NEGR1: variants seen among roughly 807,000 people sequenced by gnomAD.
NEGR1 encodes IgLON family member 4.
A neutral mutation model predicts 40.9 loss-of-function variants in NEGR1; 10 were observed. The observed-to-expected ratio is 0.24, with a 90% CI of 0.15 to 0.42. The LOEUF (loss-of-function observed/expected upper bound fraction) is 0.42. Ranked by LOEUF, NEGR1 falls within the 10% of genes least tolerant of loss-of-function variation. NEGR1 has a pLI of 1.00. For synonymous variants in NEGR1, 185 were observed against 166.8 expected, an observed-to-expected ratio of 1.11 and a Z score of -0.84; for missense variants, 352 against 438.9, an observed-to-expected ratio of 0.80 and a Z score of 1.77.
chr1:71,912,553 T>C (rs1198287539), intron 2 of NEGR1, among the ~76,000 whole-genome samples: 2 of 152,202 alleles, frequency 1.3e-5, no homozygotes, highest in African/African-American at 4.8e-5. Flanking sequence ...CTACAGCTAC[T>C]CTGATAAACG....
At chr1:71,416,265 G>T (rs764313168) in intron 6 of NEGR1, among the ~76,000 whole-genome samples, 3 of 152,084 alleles carry the variant, frequency 2.0e-5, no homozygotes, top group Non-Finnish European at 4.4e-5. Flanking sequence ...TTTATGTAGG[G>T]TGTCTAAACT....
chr1:71,852,076 C>A (rs1659620947), intron 2 of NEGR1, among the ~76,000 whole-genome samples: 1 of 152,180 alleles, frequency 6.6e-6, no homozygotes, highest in African/African-American at 2.4e-5. Context: ...TAGCTACTGA[C>A]AAACATTTAA....
intron 1 of NEGR1, among the ~76,000 whole-genome samples, chr1:72,243,910 CTTAAAT>C (rs1008646182): frequency 6.6e-6 from 1 of 151,588 alleles, no homozygotes; most frequent in Admixed American, 6.6e-5. Flanking sequence ...TGATCAAGGT[CTTAAAT>C]TTAAACATGA....
chr1:71,888,213 G>T (rs983901799), intron 2 of NEGR1, among the ~76,000 whole-genome samples: 15 of 152,260 alleles, frequency 9.9e-5, no homozygotes, highest in African/African-American at 2.6e-4. Context: ...CGGGGGAGGA[G>T]CCAAGATGGC....
chr1:71,437,366 T>A (rs1350005624), intron 6 of NEGR1, among the ~76,000 whole-genome samples: 3 of 152,118 alleles, frequency 2.0e-5, no homozygotes, highest in South Asian at 2.1e-4. Context: ...ACTCTATGAA[T>A]TTACTAGAAA....
intron 1 of NEGR1, among the ~76,000 whole-genome samples, chr1:72,237,153 C>T (rs945346903): frequency 6.6e-6 from 1 of 151,694 alleles, no homozygotes; most frequent in African/African-American, 2.4e-5. Context: ...TTACTAGAGG[C>T]CTATTAGAGG....
chr1:71,555,581 A>G (rs981844262), intron 6 of NEGR1, among the ~76,000 whole-genome samples: 3 of 151,662 alleles, frequency 2.0e-5, no homozygotes, highest in Non-Finnish European at 4.4e-5. Context: ...AGCACTGCTG[A>G]GTATGCTCAG....
intron 2 of NEGR1, among the ~76,000 whole-genome samples, chr1:71,882,185 A>G (rs1367049351): frequency 3.3e-5 from 5 of 152,118 alleles, no homozygotes; most frequent in Non-Finnish European, 5.9e-5. Flanking sequence ...CTTGCTTTGT[A>G]GTTAGAAGGT....
intron 2 of NEGR1, among the ~76,000 whole-genome samples, chr1:71,795,702 G>T (rs775945883): frequency 1.3e-5 from 2 of 152,124 alleles, no homozygotes; most frequent in Non-Finnish European, 2.9e-5. Context: ...TGAGTTAACT[G>T]GGTCCCTGTG....
chr1:72,013,002 A>C (rs1049594131), intron 1 of NEGR1, among the ~76,000 whole-genome samples: 1 of 151,786 alleles, frequency 6.6e-6, no homozygotes, highest in Admixed American at 6.6e-5. Flanking sequence ...ATGGCATATA[A>C]CATTTATTTT....
intron 1 of NEGR1, among the ~76,000 whole-genome samples, chr1:72,115,704 G>C (rs567589739): frequency 1.3e-5 from 2 of 151,694 alleles, no homozygotes; most frequent in Non-Finnish European, 3.0e-5. Flanking sequence ...GTGGGTATAC[G>C]GGAAGTACCC....
At chr1:71,487,615 T>C (rs972516110) in intron 6 of NEGR1, among the ~76,000 whole-genome samples, 1 of 151,930 alleles carries the variant, frequency 6.6e-6, no homozygotes. Flanking sequence ...CTCAGGATGG[T>C]TCAAAATGAA....
At chr1:71,919,804 T>G (rs530942691) in intron 2 of NEGR1, among the ~76,000 whole-genome samples, 1 of 152,314 alleles carries the variant, frequency 6.6e-6, no homozygotes, top group East Asian at 1.9e-4. Flanking sequence ...GTCAATCTTA[T>G]CAATATTTCA....
rs568399679 is a variant in NEGR1, at chr1:72,126,630, T to C, written c.176+155689A>G. ...TTTCCTCCATAAAATGTTGGTAGTG[T>C]CAAGAATTCTGAAGGGTCAGAGATT... On this transcript the variant is annotated intron_variant, in intron 1 of 6. Coordinates refer to ENST00000357731, the MANE Select transcript of NEGR1 (RefSeq NM_173808.3). Among the ~76,000 whole-genome samples the C allele has an allele frequency of 3.9e-5, 6 of 152,298 alleles. No individual in the cohort carries two copies. In the East Asian group the frequency reaches 1.2e-3, roughly 29 times the overall value.
chr1:71,845,929 T>A (rs1403736284), intron 2 of NEGR1, among the ~76,000 whole-genome samples: 1 of 143,058 alleles, frequency 7.0e-6, no homozygotes, highest in East Asian at 3.0e-4. Flanking sequence ...CTGGCTTTTT[T>A]TTTTTTTTTT....
Position 71,809,762 on chromosome 1 carries a change from G to A in NEGR1, c.410-33465C>T, listed in dbSNP as rs143153581. ...TGTGTGTATGTGTGTGTATGTGTGC[G>A]CGCACATACACGTAGTAATTCACAT... is the stretch of plus-strand genomic sequence containing the variant. On this transcript the variant is annotated intron_variant, in intron 2 of 6. Coordinates refer to ENST00000357731, the MANE Select transcript of NEGR1 (RefSeq NM_173808.3). Among the ~76,000 whole-genome samples, 1,182 of 152,104 alleles carry A rather than the reference G, an allele frequency of 7.8e-3. 10 individuals are homozygous for A. The highest frequency in any genetic ancestry group is 0.021 in the African/African-American group (857 of 41,506).
chr1:71,473,674 T>C (rs1646798327), intron 6 of NEGR1, among the ~76,000 whole-genome samples: 1 of 152,104 alleles, frequency 6.6e-6, no homozygotes, highest in African/African-American at 2.4e-5. Context: ...TAACTAGATT[T>C]CTTATTTTCA....
At chr1:72,121,375 G>GAT (rs1206915329) in intron 1 of NEGR1, among the ~76,000 whole-genome samples, 1 of 151,892 alleles carries the variant, frequency 6.6e-6, no homozygotes, top group Non-Finnish European at 1.5e-5. Flanking sequence ...TTCTACTTTA[G>GAT]ATATATAATA....
At chr1:72,240,266 CA>C (rs1654689077) in intron 1 of NEGR1, among the ~76,000 whole-genome samples, 1 of 151,740 alleles carries the variant, frequency 6.6e-6, no homozygotes, top group African/African-American at 2.4e-5. Context: ...AGACCATCCA[CA>C]TCAATTTGCA....
Sources: allele counts gnomAD v4.1 joint callset (sites outside exome capture counted in the v4.1 genomes callset), GRCh38; gene constraint gnomAD v4.1.1; transcripts MANE v1.5; gene names NCBI Gene and HGNC (gene_info 2026-07-23, HGNC 2026-07-21).